The following SOX5 variants were observed in gnomAD, a reference collection of about 807,000 sequenced individuals.
SOX5 encodes the protein SRY-box transcription factor 5, also known as transcription factor SOX-5.
Under a neutral mutation model 92.0 loss-of-function variants are expected in SOX5, and 9 were observed. The observed-to-expected ratio is 0.10, with a 90% CI of 0.06 to 0.17. The LOEUF (loss-of-function observed/expected upper bound fraction) is 0.17. SOX5 is among the 10% of genes least tolerant of loss of function. The pLI is 1.00. For missense variants in SOX5, 642 were observed against 944.5 expected (o/e 0.68, Z 4.20); for synonymous variants, 344 against 336.3 (o/e 1.02, Z -0.25).
At chr12:23,958,630 G>T (rs1380289362) in intron 4 of SOX5, among the ~76,000 whole-genome samples, 1 of 151,524 alleles carries the variant, frequency 6.6e-6, no homozygotes, top group African/African-American at 2.4e-5. Context: ...TATTTCACTA[G>T]GAATTGACGC....
At chr12:24,429,647 CA>C (rs1449303461) in intron 1 of SOX5, among the ~76,000 whole-genome samples, 1 of 152,040 alleles carries the variant, frequency 6.6e-6, no homozygotes, top group African/African-American at 2.4e-5. Context: ...CACACACACA[CA>C]CACCCCATGA....
chr12:23,974,209 A>G (rs1262780207), intron 4 of SOX5, among the ~76,000 whole-genome samples: 1 of 152,182 alleles, frequency 6.6e-6, no homozygotes, highest in Non-Finnish European at 1.5e-5. Flanking sequence ...AAATCACGCA[A>G]AGCAAAACCA....
intron 2 of SOX5, among the ~76,000 whole-genome samples, chr12:24,295,026 C>T (rs975985750): frequency 2.6e-5 from 4 of 151,768 alleles, no homozygotes; most frequent in Admixed American, 6.6e-5. Context: ...TTTATATTCG[C>T]GATAAGAAAT....
Position 24,308,647 on chromosome 12 carries a change from C to T in SOX5, c.-173-31335G>A, listed in dbSNP as rs138335010. Among the ~76,000 whole-genome samples, 980 of 152,300 alleles carry T rather than the reference C, an allele frequency of 6.4e-3. 6 individuals are homozygous for T. Among genetic ancestry groups the T allele is most frequent in the Non-Finnish European group, 0.01 (712 of 68,018 alleles). On this transcript the variant is annotated intron_variant, in intron 2 of 4. Coordinates refer to the SOX5 transcript ENST00000446891. ...GTATTCACAACATCTAGCACATTACCTGGCACTCAGAAGCGCTCAACAAAT... is the reference window on the plus strand; with the variant it reads ...GTATTCACAACATCTAGCACATTACTTGGCACTCAGAAGCGCTCAACAAAT...
chr12:23,965,032 C>T (rs10743483), intron 4 of SOX5, among the ~76,000 whole-genome samples: 1 of 151,832 alleles, frequency 6.6e-6, no homozygotes, highest in African/African-American at 2.4e-5. Context: ...CCCCAGGGGG[C>T]GCGTGGTCAG....
At chr12:23,547,514 G>T (rs1383187964) in intron 11 of SOX5, among the ~76,000 whole-genome samples, 1 of 151,606 alleles carries the variant, frequency 6.6e-6, no homozygotes, top group Non-Finnish European at 1.5e-5. Context: ...CAGGTAAAGG[G>T]CCCAACTAAT....
chr12:23,771,977 T>C (rs374546300), intron 3 of SOX5, among the ~76,000 whole-genome samples: 1 of 152,176 alleles, frequency 6.6e-6, no homozygotes, highest in East Asian at 1.9e-4. Flanking sequence ...TTCATAGAAA[T>C]ATGTGCCTTC....
chr12:23,950,197 C>T (rs980143900), upstream of SOX5, among the ~76,000 whole-genome samples: 1 of 151,966 alleles, frequency 6.6e-6, no homozygotes, highest in African/African-American at 2.4e-5. Flanking sequence ...AGCATTTTTA[C>T]ACAAAGAATT....
intron 3 of SOX5, among the ~76,000 whole-genome samples, chr12:24,234,654 C>T (rs2139985770): frequency 6.6e-6 from 1 of 152,222 alleles, no homozygotes; most frequent in East Asian, 1.9e-4. Flanking sequence ...CTGGAATTAC[C>T]AAAGTGCTGG....
At chr12:24,515,807 A>G (rs977361769) in intron 1 of SOX5, among the ~76,000 whole-genome samples, 5 of 152,172 alleles carry the variant, frequency 3.3e-5, no homozygotes, top group Non-Finnish European at 7.4e-5. Flanking sequence ...AAGTTGCACA[A>G]TTGCTCAATT....
At chr12:24,026,833 C>T (rs1029872337) in intron 4 of SOX5, among the ~76,000 whole-genome samples, 4 of 151,852 alleles carry the variant, frequency 2.6e-5, no homozygotes, top group Non-Finnish European at 5.9e-5. Context: ...AGGACTTTGC[C>T]ATGATCGTGA....
intron 3 of SOX5, among the ~76,000 whole-genome samples, chr12:24,223,670 G>T (rs926213704): frequency 1.3e-5 from 2 of 152,126 alleles, no homozygotes; most frequent in African/African-American, 2.4e-5. Flanking sequence ...TGGGAGGATC[G>T]CTTGAGCCCA....
At chr12:24,046,673 T>C in intron 4 of SOX5, among the ~76,000 whole-genome samples, 1 of 35,144 alleles carries the variant, frequency 2.8e-5, no homozygotes, top group African/African-American at 8.1e-5. Flanking sequence ...AAAATGTGTC[T>C]TTTTTTTTTT....
chr12:23,996,394 A>G (rs1951035634), intron 4 of SOX5, among the ~76,000 whole-genome samples: 1 of 152,202 alleles, frequency 6.6e-6, no homozygotes, highest in Non-Finnish European at 1.5e-5. Context: ...GCCGGTGGGA[A>G]TGTAAAATGA....
chr12:24,423,698 G>A lies in SOX5; in HGVS notation c.-250-55059C>T, dbSNP rs575073090. The stretch of plus-strand genomic sequence containing the variant: ...TGGGTCATGAACTAAAATGGCAATT[G>A]TCCCAAATATTTCTATTCATCTGAT... On this transcript the variant is annotated intron_variant, in intron 1 of 4. Coordinates refer to the SOX5 transcript ENST00000446891. Among the ~76,000 whole-genome samples, 3 of 152,324 alleles carry A rather than the reference G, an allele frequency of 2.0e-5. No individual in the cohort carries two copies. The East Asian group carries it at 5.8e-4, about 29-fold the overall frequency.
At chr12:24,159,425 T>A (rs1311557354) in intron 4 of SOX5, among the ~76,000 whole-genome samples, 1 of 151,994 alleles carries the variant, frequency 6.6e-6, no homozygotes, top group Non-Finnish European at 1.5e-5. Flanking sequence ...TGTAACAAAC[T>A]CTATTCTAAG....
At chr12:24,024,351 AT>A (rs1314856222) in intron 4 of SOX5, among the ~76,000 whole-genome samples, 1 of 152,034 alleles carries the variant, frequency 6.6e-6, no homozygotes, top group Non-Finnish European at 1.5e-5. Context: ...CATCAAGTGA[AT>A]TTTATATTAA....
chr12:23,632,761 T>A (rs1029664403), intron 8 of SOX5, among the ~76,000 whole-genome samples: 20 of 152,126 alleles, frequency 1.3e-4, no homozygotes, highest in Admixed American at 1.3e-3. Context: ...AAAAGATTGA[T>A]TTCAGTTGAT....
At chr12:23,538,806 T>TTTTC (rs1941223180) in intron 13 of SOX5, among the ~76,000 whole-genome samples, 1 of 148,282 alleles carries the variant, frequency 6.7e-6, no homozygotes, top group African/African-American at 2.5e-5. Context: ...TTTCTTTTTT[T>TTTTC]TTTTTTTTTT....
Sources: gnomAD v4.1 joint callset for allele counts (sites outside exome capture counted in the v4.1 genomes callset) on GRCh38, gnomAD v4.1.1 for gene constraint, MANE v1.5 for transcripts, NCBI Gene and HGNC (gene_info 2026-07-23, HGNC 2026-07-21) for gene names.